Variants in FAR1 observed in about 807,000 individuals in gnomAD.
FAR1 encodes the protein male sterility domain-containing protein 2.
Under a neutral mutation model 61.1 loss-of-function variants are expected in FAR1, and 22 were observed. The ratio of observed to expected loss-of-function variants is 0.36; its 90% CI spans 0.26 to 0.51. The LOEUF (loss-of-function observed/expected upper bound fraction) is 0.51, where lower values mean the gene tolerates loss of function less well. Among genes scored for constraint, FAR1 ranks in the 20% least tolerant of loss-of-function variants. FAR1 has a pLI of 0.95. For missense variants in FAR1, 359 were observed against 626.9 expected, an observed-to-expected ratio of 0.57 and a Z score of 4.56; for synonymous variants, 206 against 209.7, an observed-to-expected ratio of 0.98 and a Z score of 0.15.
In FAR1 at chr11:13,729,581, T is replaced by A. The variant is rs1848702239; in HGVS notation, c.*807T>A. 2 of 151,956 alleles carry A rather than the reference T, an allele frequency of 1.3e-5. No individual in the cohort carries two copies. The highest frequency in any genetic ancestry group is 2.1e-4 in the South Asian group (1 of 4,836). 9.4% of individuals were successfully genotyped at this position (151,956 alleles called of 1,614,324 possible). A position where few individuals can be genotyped will look rare whatever the true frequency, so the allele number is the denominator to read the frequency against. On this transcript the variant is annotated 3_prime_UTR_variant, in exon 12 of 12. Transcript: ENST00000354817. ...TGATCAAATAAAAATCTTGTGAGAT[T>A]GTTTATGTTTTGAAGCAGGAGGATT...
chr11:13,681,538 A>G (rs1457696522), intron 1 of FAR1, among the ~76,000 whole-genome samples: 1 of 152,216 alleles, frequency 6.6e-6, no homozygotes, highest in Non-Finnish European at 1.5e-5. Context: ...TATGACTTCC[A>G]AGGCTAGGTC....
At chr11:13,674,488 T>A (rs914869907) in intron 1 of FAR1, among the ~76,000 whole-genome samples, 2 of 152,292 alleles carry the variant, frequency 1.3e-5, no homozygotes, top group South Asian at 4.1e-4. Context: ...TTTAAGCCCG[T>A]CTTCCTTGAA....
chr11:13,678,088 G>A (rs1848087087), intron 1 of FAR1, among the ~76,000 whole-genome samples: 1 of 152,176 alleles, frequency 6.6e-6, no homozygotes, highest in African/African-American at 2.4e-5. Flanking sequence ...GGACTTCTAC[G>A]TTTTGAGTAT....
chr11:13,695,063 T>G, intron 2 of FAR1, 109 bp downstream of exon 2: 1 of 920,336 alleles, frequency 1.1e-6, no homozygotes, highest in Non-Finnish European at 1.5e-6. Flanking sequence ...TCTGAAAAAA[T>G]TAGTAAAACA....
intron 9 of FAR1, chr11:13,720,048 T>C (rs1052010690): frequency 6.6e-6 from 1 of 152,226 alleles, no homozygotes; most frequent in Non-Finnish European, 1.5e-5. Flanking sequence ...TCCAGTATTT[T>C]TGTTGCATGA....
intron 1 of FAR1, among the ~76,000 whole-genome samples, chr11:13,683,350 A>G (rs61883160): frequency 0.091 from 13,844 of 151,744 alleles, 730 homozygotes; most frequent in Middle Eastern, 0.14. Flanking sequence ...CCGAGATCAC[A>G]CCACTGCACT....
At position 13,728,605 on chromosome 11, in the gene FAR1, T is replaced by C. The variant is rs764279182; in HGVS notation, c.1386-7T>C. 13 of 1,608,764 alleles carry C rather than the reference T, an allele frequency of 8.1e-6. No individual in the cohort carries two copies. The South Asian group carries it at 1.3e-4, about 16-fold the overall frequency. ...CTGTCTAACATATCTCTTGATTTGC[T>C]TTCCAGGTTGCGGAATATACGTTAT... On this transcript the variant is annotated splice_polypyrimidine_tract_variant and splice_region_variant and intron_variant, in intron 11 of 11. Transcript: ENST00000354817.
intron 1 of FAR1, among the ~76,000 whole-genome samples, chr11:13,671,140 C>T (rs1181036028): frequency 6.6e-6 from 1 of 152,192 alleles, no homozygotes; most frequent in African/African-American, 2.4e-5. Flanking sequence ...GCTGAGGCGA[C>T]TTGCAGTAGA....
chr11:13,728,819 A>G lies in FAR1; in HGVS notation c.*45A>G, dbSNP rs2134204337. ...AGAACATCTATACATATGGTGATCT[A>G]AATGTACAAAATGTAAAATGTATAA... On this transcript the variant is annotated 3_prime_UTR_variant, in exon 12 of 12. Coordinates refer to ENST00000354817, the MANE Select transcript of FAR1 (RefSeq NM_032228.6). The G allele has an allele frequency of 1.3e-6, 2 of 1,516,516 alleles. No homozygotes were observed. The highest frequency in any genetic ancestry group is 1.8e-6 in the Non-Finnish European group (2 of 1,110,496). The allele number at this position is 1,516,516 out of a possible 1,614,324, so 93.9% of individuals were successfully genotyped here.
intron 3 of FAR1, among the ~76,000 whole-genome samples, chr11:13,706,850 G>A (rs1848438145): frequency 6.6e-6 from 1 of 152,060 alleles, no homozygotes; most frequent in South Asian, 2.1e-4. Context: ...CAAGCTATTT[G>A]TTTAATTTTA....
In FAR1 at chr11:13,684,364, G is replaced by C. The variant is rs115178236; in HGVS notation, c.-7-10395G>C. Among the ~76,000 whole-genome samples, 517 of 152,286 alleles carry C rather than the reference G, an allele frequency of 3.4e-3. 5 individuals are homozygous for C. Among genetic ancestry groups the C allele is most frequent in the African/African-American group, 0.012 (483 of 41,564 alleles). ...ACTATTTCTGAAATATTACAGATCA[G>C]ACTGACAGCTGAAGGACCATACTGA... On this transcript the variant is annotated intron_variant, in intron 1 of 11. Coordinates refer to ENST00000354817, the MANE Select transcript of FAR1 (RefSeq NM_032228.6).
At position 13,721,741 on chromosome 11, in the gene FAR1, C is replaced by G; in HGVS notation, c.1139C>G (p.Thr380Arg). ...MTGRSPRMMK[T>R]ITRLHKAMVF... ...TTCTTACAATACAGGATGATGAAAA[C>G]AATAACTCGTCTTCACAAAGCTATG... The change falls in exon 10 of 12, where the codon ACA (threonine) becomes AGA (arginine). Residue 380 changes from threonine (T) to arginine (R), a missense_variant. This residue lies in a region of FAR1 where 344 missense variants were observed against 570.3 expected (regional missense o/e 0.60). Coordinates refer to ENST00000354817, the MANE Select transcript of FAR1 (RefSeq NM_032228.6). The surrounding 1 kb of genome is among the most constrained non-coding windows in gnomAD (Gnocchi z 4.2). 1 of 1,609,956 alleles carries G rather than the reference C, an allele frequency of 6.2e-7. No homozygotes were observed. Among genetic ancestry groups the G allele is most frequent in the Non-Finnish European group, 8.5e-7 (1 of 1,178,410 alleles).
At chr11:13,719,264 T>A (rs1203236398) in intron 9 of FAR1, among the ~76,000 whole-genome samples, 1 of 152,152 alleles carries the variant, frequency 6.6e-6, no homozygotes, top group African/African-American at 2.4e-5. Context: ...TTTCTAAGTA[T>A]CAAAGCAGGA....
rs1848703312 is a variant in FAR1 at position 13,729,682 on chromosome 11, C to T, written c.*908C>T. ...TTCTCCTCCCTTTATAAATTTTATT[C>T]ATAGGACTTTTAAAAGGCTTGTGCT... is the stretch of plus-strand genomic sequence containing the variant. On this transcript the variant is annotated 3_prime_UTR_variant, in exon 12 of 12. Transcript: ENST00000354817. 6.6e-6 allele frequency: 1 copy of T among 151,978 alleles called. No homozygotes were observed. The highest frequency in any genetic ancestry group is 1.9e-4 in the East Asian group (1 of 5,174). The allele number at this position is 151,978 out of a possible 1,614,324, so 9.4% of individuals were successfully genotyped here.
intron 1 of FAR1, among the ~76,000 whole-genome samples, chr11:13,675,417 G>A (rs1200551513): frequency 6.6e-6 from 1 of 152,108 alleles, no homozygotes. Flanking sequence ...TAAAGCGTGC[G>A]GTTAGGAAAT....
At chr11:13,712,688 T>C (rs977081528) in intron 7 of FAR1, among the ~76,000 whole-genome samples, 4 of 152,108 alleles carry the variant, frequency 2.6e-5, no homozygotes, top group African/African-American at 9.7e-5. Flanking sequence ...GTTTTCCTCG[T>C]GTTTAAAAAT....
At position 13,713,053 on chromosome 11, in the gene FAR1, T is replaced by G; in HGVS notation, c.955+20T>G. The stretch of plus-strand genomic sequence containing the variant: ...AAGTTGGTATGATTTTACCTGTGTT[T>G]TTGAATGTTAGAATAAATCTTAAAG... On this transcript the variant is annotated intron_variant, in intron 8 of 11. Coordinates refer to ENST00000354817, the MANE Select transcript of FAR1 (RefSeq NM_032228.6). 1 of 1,604,714 alleles carries G rather than the reference T, an allele frequency of 6.2e-7. No homozygotes were observed. Among genetic ancestry groups the G allele is most frequent in the Non-Finnish European group, 8.5e-7 (1 of 1,171,578 alleles).
In FAR1 at chr11:13,691,889, C is replaced by T. The variant is rs575215038; in HGVS notation, c.-7-2870C>T. On this transcript the variant is annotated intron_variant, in intron 1 of 11. Transcript: ENST00000354817. Reference sequence around the variant, plus strand: ...TGCTCCAAAATTCAAAACTTTTGACCGGGTGTGGTGGCTCATGCCAGTAAT... The same window carrying T: ...TGCTCCAAAATTCAAAACTTTTGACTGGGTGTGGTGGCTCATGCCAGTAAT... Among the ~76,000 whole-genome samples the T allele has an allele frequency of 8.5e-5, 13 of 152,222 alleles. No individual in the cohort carries two copies. The South Asian group carries it at 1.5e-3, about 17-fold the overall frequency.
rs1168033380 is a variant in FAR1 at position 13,731,299 on chromosome 11, G to A, written c.*2525G>A. 6.6e-6 allele frequency: 1 copy of A among 152,550 alleles called. No homozygotes were observed. The highest frequency in any genetic ancestry group is 1.5e-5 in the Non-Finnish European group (1 of 67,996). 9.4% of individuals were successfully genotyped at this position (152,550 alleles called of 1,614,324 possible). On this transcript the variant is annotated 3_prime_UTR_variant, in exon 12 of 12. Transcript: ENST00000354817. The stretch of plus-strand genomic sequence containing the variant: ...ATAAAATAATCATTTTTGAACCTGT[G>A]TAATAAAGCTTGAAAGCAGGGAAAA...
Sources: allele counts gnomAD v4.1 joint callset (sites outside exome capture counted in the v4.1 genomes callset), GRCh38; gene constraint gnomAD v4.1.1; regional missense constraint gnomAD v4.1.1; non-coding constraint Gnocchi (gnomAD v3.1); transcripts MANE v1.5; gene names NCBI Gene and HGNC (gene_info 2026-07-23, HGNC 2026-07-21).